The following DCC variants were observed in gnomAD, a reference collection of about 807,000 sequenced individuals.
The protein encoded by DCC is netrin receptor DCC.
DCC carries 58 observed loss-of-function variants against 172.5 expected under a neutral mutation model. The observed-to-expected ratio is 0.34, with a 90% CI of 0.27 to 0.42. The LOEUF (loss-of-function observed/expected upper bound fraction) is 0.42, where lower values mean the gene tolerates loss of function less well. Ranked by LOEUF, DCC falls within the 10% of genes least tolerant of loss-of-function variation. The probability of loss-of-function intolerance (pLI) is 1.00; values close to 1 mark genes in which losing one functional copy is unlikely to be tolerated. For synonymous variants in DCC, 709 were observed against 644.5 expected (o/e 1.10, Z -1.52); for missense variants, 1,740 against 1,791.0 (o/e 0.97, Z 0.51).
intron 22 of DCC, among the ~76,000 whole-genome samples, chr18:53,447,119 T>G (rs1912660544): frequency 1.3e-5 from 2 of 152,212 alleles, no homozygotes; most frequent in Non-Finnish European, 2.9e-5. Context: ...AACAGTGTGA[T>G]CAGAGGCTCA....
chr18:53,494,556 C>A (rs1434075677), intron 26 of DCC, among the ~76,000 whole-genome samples: 2 of 152,192 alleles, frequency 1.3e-5, no homozygotes, highest in African/African-American at 2.4e-5. Context: ...ATCCCTTTAA[C>A]CATTATGTAA....
intron 1 of DCC, among the ~76,000 whole-genome samples, chr18:52,390,639 C>A (rs1289444229): frequency 1.3e-5 from 2 of 152,032 alleles, no homozygotes; most frequent in Non-Finnish European, 2.9e-5. Flanking sequence ...GCTCTTGTCA[C>A]ATGGTGGAGT....
At chr18:53,355,874 C>T (rs536397629) in intron 15 of DCC, among the ~76,000 whole-genome samples, 1 of 151,982 alleles carries the variant, frequency 6.6e-6, no homozygotes, top group Non-Finnish European at 1.5e-5. Context: ...GGATTTTATA[C>T]AATTTTATTT....
chr18:53,458,281 C>A (rs541440053), intron 23 of DCC, among the ~76,000 whole-genome samples: 67 of 152,198 alleles, frequency 4.4e-4, no homozygotes, highest in African/African-American at 1.6e-3. Flanking sequence ...TGAAAAGGAC[C>A]AAATAATACA....
chr18:52,579,457 CT>C (rs891306210), intron 1 of DCC, among the ~76,000 whole-genome samples: 3 of 151,942 alleles, frequency 2.0e-5, no homozygotes, highest in South Asian at 2.1e-4. Flanking sequence ...CTAGAACAGT[CT>C]TTTTTTTGAA....
chr18:52,617,819 T>TA (rs1568258185), intron 1 of DCC, among the ~76,000 whole-genome samples: 88 of 152,270 alleles, frequency 5.8e-4, no homozygotes, highest in African/African-American at 2.0e-3. Context: ...AAGAGAAGCT[T>TA]ATTTTGCTTA....
chr18:53,273,305 CCT>C (rs1188181555), intron 12 of DCC, among the ~76,000 whole-genome samples: 1 of 151,828 alleles, frequency 6.6e-6, no homozygotes, highest in East Asian at 1.9e-4. Flanking sequence ...TGAGGTTTGT[CCT>C]CTTTTTGTTC....
In DCC at chr18:53,205,222, T is replaced by C. The variant is rs1284871272; in HGVS notation, c.1580T>C (p.Val527Ala). 2 of 1,612,838 alleles carry C rather than the reference T, an allele frequency of 1.2e-6. No homozygotes were observed. The highest frequency in any genetic ancestry group is 1.3e-5 in the African/African-American group (1 of 74,896). ...TTATTATTTTTTTATACAGTGCAAGTTCCAGGGCCAGTAGAAAACCTGCAA... is the reference window on the plus strand; with the variant it reads ...TTATTATTTTTTTATACAGTGCAAGCTCCAGGGCCAGTAGAAAACCTGCAA... ...IKVATQPELQ[V>A]PGPVENLQAV... Residue 527 changes from valine to alanine, a missense_variant, in exon 10 of 29, where the codon GTT becomes GCT. By Grantham distance (64) the Val-to-Ala change is moderately conservative (BLOSUM62 0). This residue lies in a region of DCC where 1,732 missense variants were observed against 1,767.4 expected (regional missense o/e 0.98). Transcript: ENST00000442544.
At chr18:53,082,012 A>G (rs1293102005) in intron 7 of DCC, among the ~76,000 whole-genome samples, 6 of 152,086 alleles carry the variant, frequency 3.9e-5, no homozygotes, top group Non-Finnish European at 5.9e-5. Context: ...CAAGAATGGT[A>G]ATTTACAATC....
chr18:53,342,562 G>A (rs1040579831), intron 15 of DCC, among the ~76,000 whole-genome samples: 1 of 150,852 alleles, frequency 6.6e-6, no homozygotes, highest in African/African-American at 2.4e-5. Flanking sequence ...TTTTAAAAGA[G>A]CATTATTGAG....
In DCC at chr18:53,402,822, C is replaced by T. The variant is rs1274567931; in HGVS notation, c.2864C>T (p.Thr955Ile). The change falls in exon 19 of 29, where the codon ACT becomes ATT. Residue 955 changes from threonine (T) to isoleucine (I), a missense_variant. Thr to Ile is a moderately conservative substitution (Grantham distance 89). Transcript: ENST00000442544. The stretch of plus-strand genomic sequence containing the variant: ...GCTCCCAAGGACTTGACAGTCATTA[C>T]TAGGGAAGGGAAGCCTCGTGCCGTC... ...TSAPKDLTVI[T>I]REGKPRAVIV... The T allele has an allele frequency of 6.2e-7, 1 of 1,614,092 alleles. No homozygotes were observed. The highest frequency in any genetic ancestry group is 2.2e-5 in the East Asian group (1 of 44,870).
At chr18:52,404,401 A>G (rs896493786) in intron 1 of DCC, among the ~76,000 whole-genome samples, 6 of 150,292 alleles carry the variant, frequency 4.0e-5, no homozygotes, top group Non-Finnish European at 8.8e-5. Context: ...GAAAGATAAC[A>G]TAAGAGTAAA....
chr18:53,298,140 TATAATTAA>T, intron 12 of DCC, among the ~76,000 whole-genome samples: 1 of 152,260 alleles, frequency 6.6e-6, no homozygotes, highest in South Asian at 2.1e-4. Flanking sequence ...TAATCATTAG[TATAATTAA>T]GTTCTCCAGG....
chr18:53,436,693 T>C (rs1911963276), intron 22 of DCC, among the ~76,000 whole-genome samples: 1 of 152,206 alleles, frequency 6.6e-6, no homozygotes, highest in Non-Finnish European at 1.5e-5. Flanking sequence ...CCTCTGTTAT[T>C]AATGCCTTTT....
At chr18:53,368,749 A>G (rs2058030818) in intron 15 of DCC, among the ~76,000 whole-genome samples, 1 of 152,004 alleles carries the variant, frequency 6.6e-6, no homozygotes, top group Non-Finnish European at 1.5e-5. Context: ...ATTTGACTGT[A>G]TATCGCAAGG....
intron 1 of DCC, among the ~76,000 whole-genome samples, chr18:52,661,572 C>T (rs1267941254): frequency 6.6e-6 from 1 of 152,194 alleles, no homozygotes; most frequent in Non-Finnish European, 1.5e-5. Context: ...GGGAGAATTC[C>T]TCTCTGGAAA....
chr18:52,369,715 A>G (rs1568136394), intron 1 of DCC, among the ~76,000 whole-genome samples: 1 of 152,052 alleles, frequency 6.6e-6, no homozygotes, highest in Non-Finnish European at 1.5e-5. Flanking sequence ...TTATAACTCA[A>G]AGGTGATGTT....
intron 3 of DCC, among the ~76,000 whole-genome samples, chr18:52,908,040 G>A (rs988211687): frequency 1.3e-5 from 2 of 152,064 alleles, no homozygotes; most frequent in African/African-American, 4.8e-5. Flanking sequence ...TGACTTAGAC[G>A]CTCTTGTGAG....
chr18:52,911,151 G>T (rs2039965768), intron 3 of DCC, among the ~76,000 whole-genome samples: 1 of 151,948 alleles, frequency 6.6e-6, no homozygotes, highest in South Asian at 2.1e-4. Flanking sequence ...CATTTCTATG[G>T]AATAATGATC....
Sources: gnomAD v4.1 joint callset for allele counts (sites outside exome capture counted in the v4.1 genomes callset) on GRCh38, gnomAD v4.1.1 for gene constraint, gnomAD v4.1.1 regional missense constraint, MANE v1.5 for transcripts, NCBI Gene and HGNC (gene_info 2026-07-23, HGNC 2026-07-21) for gene names.